RGS7: variants seen among roughly 807,000 people sequenced by gnomAD.
The protein encoded by RGS7 is regulator of G protein signaling 7, also known as regulator of G-protein signaling 7.
Under a neutral mutation model 81.1 loss-of-function variants are expected in RGS7, and 27 were observed. That is an observed-to-expected ratio of 0.33 (90% confidence interval 0.25 to 0.46). The LOEUF is 0.46. Ranked by LOEUF, RGS7 falls within the 20% of genes least tolerant of loss-of-function variation. The pLI is 1.00. For synonymous variants in RGS7, 208 were observed against 207.7 expected, an observed-to-expected ratio of 1.00 and a Z score of -0.01; for missense variants, 396 against 607.4, an observed-to-expected ratio of 0.65 and a Z score of 3.66.
intron 6 of RGS7, among the ~76,000 whole-genome samples, chr1:240,886,258 T>C (rs1452253645): frequency 2.0e-5 from 3 of 152,164 alleles, no homozygotes; most frequent in Admixed American, 6.5e-5. Flanking sequence ...TTCTGAGAGT[T>C]TGCACCTTTT....
chr1:240,997,982 T>C (rs1687550510), intron 3 of RGS7, among the ~76,000 whole-genome samples: 1 of 152,236 alleles, frequency 6.6e-6, no homozygotes, highest in South Asian at 2.1e-4. Context: ...CTGTTAGAGT[T>C]CGTCAGCTGG....
intron 3 of RGS7, among the ~76,000 whole-genome samples, chr1:240,997,410 T>G (rs1342019993): frequency 2.0e-5 from 3 of 152,248 alleles, no homozygotes; most frequent in African/African-American, 7.2e-5. Context: ...TGGAACCCTA[T>G]GTCTCTTCAT....
At chr1:241,296,626 T>G (rs1030974079) in intron 2 of RGS7, among the ~76,000 whole-genome samples, 1 of 152,328 alleles carries the variant, frequency 6.6e-6, no homozygotes, top group Admixed American at 6.5e-5. Flanking sequence ...GTGCTAATGG[T>G]TTGAGGCCAC....
chr1:241,139,081 T>C (rs183313399), intron 2 of RGS7, among the ~76,000 whole-genome samples: 148 of 152,306 alleles, frequency 9.7e-4, no homozygotes, highest in Middle Eastern at 3.4e-3. Context: ...TTCTTTTACT[T>C]GGCAGATTTT....
At chr1:240,807,521 T>C (rs2103076476) in intron 14 of RGS7, among the ~76,000 whole-genome samples, 1 of 152,216 alleles carries the variant, frequency 6.6e-6, no homozygotes, top group East Asian at 1.9e-4. Context: ...AAATCAGTAA[T>C]GAAGTGCATG....
At chr1:241,076,733 G>A (rs896009461) in intron 3 of RGS7, among the ~76,000 whole-genome samples, 2 of 152,126 alleles carry the variant, frequency 1.3e-5, no homozygotes, top group East Asian at 3.9e-4. Context: ...ATGGCCAATT[G>A]ATTTCTGTTT....
chr1:241,167,408 G>C (rs150864864), intron 2 of RGS7, among the ~76,000 whole-genome samples: 4 of 152,256 alleles, frequency 2.6e-5, no homozygotes, highest in African/African-American at 9.6e-5. Context: ...AGCCTGCCTT[G>C]AGATCCGGTG....
At chr1:241,096,138 G>A (rs2064234637) in intron 3 of RGS7, among the ~76,000 whole-genome samples, 1 of 152,162 alleles carries the variant, frequency 6.6e-6, no homozygotes, top group Non-Finnish European at 1.5e-5. Context: ...GGGCAATAAA[G>A]TCAGCGGATT....
intron 9 of RGS7, among the ~76,000 whole-genome samples, chr1:240,866,949 A>C (rs997078837): frequency 6.6e-6 from 1 of 152,234 alleles, no homozygotes; most frequent in East Asian, 1.9e-4. Context: ...CCAGATGTCC[A>C]GGGGACAAAG....
intron 6 of RGS7, among the ~76,000 whole-genome samples, chr1:240,911,424 T>C (rs1024846674): frequency 6.6e-6 from 1 of 152,220 alleles, no homozygotes; most frequent in African/African-American, 2.4e-5. Flanking sequence ...TAAATGTTAA[T>C]GTTCTCTAGG....
At chr1:241,086,206 G>T (rs61832521) in intron 3 of RGS7, among the ~76,000 whole-genome samples, 7,033 of 152,268 alleles carry the variant, frequency 0.046, 187 homozygotes, top group Non-Finnish European at 0.053. Context: ...TCATCTGGTT[G>T]TTCTACATAC....
At chr1:240,991,947 TA>T (rs1432139212) in intron 3 of RGS7, among the ~76,000 whole-genome samples, 1 of 152,198 alleles carries the variant, frequency 6.6e-6, no homozygotes, top group Non-Finnish European at 1.5e-5. Context: ...ACATAGGAGA[TA>T]AAGAAAATGT....
chr1:240,818,821 A>C (rs1041837556), intron 10 of RGS7, among the ~76,000 whole-genome samples: 6 of 152,156 alleles, frequency 3.9e-5, no homozygotes, highest in African/African-American at 1.4e-4. Flanking sequence ...CAACGGGTAC[A>C]AAGTTAGTTA....
At chr1:241,327,106 GAA>G (rs1337787260) in intron 2 of RGS7, among the ~76,000 whole-genome samples, 2 of 95,872 alleles carry the variant, frequency 2.1e-5, no homozygotes, top group African/African-American at 7.9e-5. Context: ...AAGAAAGAAA[GAA>G]AGAAAGAAAG....
intron 3 of RGS7, among the ~76,000 whole-genome samples, chr1:241,044,152 T>C (rs550767632): frequency 6.6e-6 from 1 of 151,320 alleles, no homozygotes; most frequent in Non-Finnish European, 1.5e-5. Context: ...CTTACTCTGT[T>C]GCCCAGGGTG....
chr1:241,354,701 A>G (rs1346287427), intron 2 of RGS7, among the ~76,000 whole-genome samples: 1 of 152,236 alleles, frequency 6.6e-6, no homozygotes, highest in Non-Finnish European at 1.5e-5. Flanking sequence ...AAGAAATGCA[A>G]ACATCTTGAA....
chr1:241,264,348 A>C (rs1011382811), intron 2 of RGS7, among the ~76,000 whole-genome samples: 2 of 152,152 alleles, frequency 1.3e-5, no homozygotes, highest in African/African-American at 4.8e-5. Context: ...AGATACAAAA[A>C]TTAGCTGGCT....
At chr1:241,281,565 T>A (rs904583166) in intron 2 of RGS7, among the ~76,000 whole-genome samples, 2 of 152,228 alleles carry the variant, frequency 1.3e-5, no homozygotes, top group Non-Finnish European at 2.9e-5. Context: ...AGAAAAGTCA[T>A]GTGAGTTGCT....
chr1:240,987,386 T>C (rs1685820243), intron 3 of RGS7, among the ~76,000 whole-genome samples: 1 of 152,196 alleles, frequency 6.6e-6, no homozygotes. Context: ...TTCAGGGAAA[T>C]GGAAAAGCTC....
Sources: allele counts gnomAD v4.1 joint callset (sites outside exome capture counted in the v4.1 genomes callset), GRCh38; gene constraint gnomAD v4.1.1; transcripts MANE v1.5; gene names NCBI Gene and HGNC (gene_info 2026-07-23, HGNC 2026-07-21).